The following UCHL3 variants were observed in gnomAD, a reference collection of about 807,000 sequenced individuals.
UCHL3 encodes ubiquitin C-terminal hydrolase L3, also known as ubiquitin carboxyl-terminal hydrolase isozyme L3.
A neutral mutation model predicts 35.8 loss-of-function variants in UCHL3; 22 were observed. That is an observed-to-expected ratio of 0.61 (90% CI 0.44 to 0.88). UCHL3 has a LOEUF of 0.88. UCHL3 is among the 40% of genes least tolerant of loss of function. The pLI is 0.00. For synonymous variants in UCHL3, 90 were observed against 92.8 expected (o/e 0.97, Z 0.17); for missense variants, 229 against 276.9 (o/e 0.83, Z 1.23).
chr13:75,596,847 C>A (rs1449636675), intron 7 of UCHL3, among the ~76,000 whole-genome samples: 3 of 152,066 alleles, frequency 2.0e-5, no homozygotes, highest in Non-Finnish European at 4.4e-5. Context: ...TGGAGCATGC[C>A]AAGATCAACA....
chr13:75,550,103 G>T, intron 2 of UCHL3, 116 bp downstream of exon 2: 2 of 1,525,224 alleles, frequency 1.3e-6, no homozygotes, highest in Non-Finnish European at 1.8e-6. Context: ...TTTCTTGAGG[G>T]CCCCTCTTGT....
chr13:75,560,909 C>G, intron 3 of UCHL3, 28 bp downstream of exon 3: 2 of 1,485,438 alleles, frequency 1.3e-6, no homozygotes, highest in Admixed American at 5.2e-5. Flanking sequence ...TAGAAAGTTT[C>G]TGGTAAATAC....
At chr13:75,563,464 A>G (rs2031582893) in intron 3 of UCHL3, among the ~76,000 whole-genome samples, 1 of 152,196 alleles carries the variant, frequency 6.6e-6, no homozygotes, top group Admixed American at 6.5e-5. Context: ...GGTGTGACTC[A>G]TTACCCTTTA....
rs530374048 is a variant in UCHL3, at chr13:75,585,973, T to G, written c.475-8942T>G. Among the ~76,000 whole-genome samples, 3 of 152,092 alleles carry G rather than the reference T, an allele frequency of 2.0e-5. No homozygotes were observed. In the South Asian group the frequency reaches 6.2e-4, roughly 31 times the overall value. ...AGAGCAGATGGAAAAAATAAAGAAC[T>G]GACAATGTAGATTTAAATCCAGCCA... On this transcript the variant is annotated intron_variant, in intron 6 of 8. Transcript: ENST00000377595.
intron 3 of UCHL3, among the ~76,000 whole-genome samples, chr13:75,563,374 A>G (rs1331087345): frequency 1.3e-5 from 2 of 152,050 alleles, no homozygotes; most frequent in Non-Finnish European, 2.9e-5. Flanking sequence ...ACAGGGTTTC[A>G]CCATGTTGGT....
intron 2 of UCHL3, 118 bp downstream of exon 2, chr13:75,550,105 C>G: frequency 6.6e-7 from 1 of 1,510,224 alleles, no homozygotes; most frequent in Non-Finnish European, 9.2e-7. Context: ...TCTTGAGGGC[C>G]CCTCTTGTTC....
intron 6 of UCHL3, among the ~76,000 whole-genome samples, chr13:75,589,003 T>C (rs2032402659): frequency 1.3e-5 from 2 of 152,224 alleles, no homozygotes; most frequent in South Asian, 4.1e-4. Context: ...CAATAGTGTT[T>C]GAAAAGGTGT....
chr13:75,566,002 C>A (rs540415664), intron 3 of UCHL3, among the ~76,000 whole-genome samples: 2 of 152,248 alleles, frequency 1.3e-5, no homozygotes, highest in South Asian at 4.1e-4. Context: ...TGGTTAGTGT[C>A]AGTTACAGAT....
intron 3 of UCHL3, among the ~76,000 whole-genome samples, chr13:75,565,531 G>A (rs904524076): frequency 6.6e-6 from 1 of 152,168 alleles, no homozygotes; most frequent in Non-Finnish European, 1.5e-5. Flanking sequence ...TATTGCAGGG[G>A]ATCAGGAAAA....
At position 75,549,999 on chromosome 13, in the gene UCHL3, G is replaced by A; in HGVS notation, c.54+12G>A. The A allele has an allele frequency of 6.2e-7, 1 of 1,614,258 alleles. No homozygotes were observed. ...AGGTCACCAACCAGGTGAGTGAGGT[G>A]TCTGTCGCTCGGGACCTCGGAGTCT... On this transcript the variant is annotated intron_variant, in intron 2 of 8. Transcript: ENST00000377595.
intron 6 of UCHL3, among the ~76,000 whole-genome samples, chr13:75,570,376 C>T (rs2031816529): frequency 6.6e-6 from 1 of 152,100 alleles, no homozygotes; most frequent in South Asian, 2.1e-4. Context: ...GCTGGAACTA[C>T]AGGCGCCCGC....
At chr13:75,582,750 A>C (rs1016494849) in intron 6 of UCHL3, among the ~76,000 whole-genome samples, 4 of 152,218 alleles carry the variant, frequency 2.6e-5, no homozygotes, top group African/African-American at 9.6e-5. Flanking sequence ...CAGAGCTAAA[A>C]ATTAGGTTGC....
chr13:75,551,503 A>G (rs1449157896), intron 2 of UCHL3, among the ~76,000 whole-genome samples: 5 of 152,092 alleles, frequency 3.3e-5, no homozygotes, highest in African/African-American at 4.8e-5. Flanking sequence ...TAGACAATTC[A>G]TATTAAGAAA....
chr13:75,594,429 C>T (rs1181745594), intron 6 of UCHL3, among the ~76,000 whole-genome samples: 1 of 152,160 alleles, frequency 6.6e-6, no homozygotes, highest in African/African-American at 2.4e-5. Flanking sequence ...GTTGAAACAT[C>T]AGATTATCAA....
At chr13:75,604,329 C>T (rs969899510) in intron 7 of UCHL3, among the ~76,000 whole-genome samples, 1 of 152,092 alleles carries the variant, frequency 6.6e-6, no homozygotes, top group African/African-American at 2.4e-5. Context: ...ATTGATAGTA[C>T]ACAGTTAATA....
chr13:75,589,563 C>T (rs1244562742), intron 6 of UCHL3, among the ~76,000 whole-genome samples: 1 of 151,920 alleles, frequency 6.6e-6, no homozygotes, highest in East Asian at 1.9e-4. Context: ...TTTTCTTCTA[C>T]CCGTTATTCT....
At chr13:75,557,341 TTATC>T (rs200342851) in intron 2 of UCHL3, among the ~76,000 whole-genome samples, 12 of 152,208 alleles carry the variant, frequency 7.9e-5, no homozygotes, top group Admixed American at 2.0e-4. Flanking sequence ...TAAATATTCT[TTATC>T]TAGTGAAAAA....
chr13:75,559,312 T>C (rs948479737), intron 2 of UCHL3, among the ~76,000 whole-genome samples: 1 of 144,754 alleles, frequency 6.9e-6, no homozygotes, highest in Non-Finnish European at 1.5e-5. Flanking sequence ...AGTGCTGGGA[T>C]TACAGGCGTG....
At chr13:75,599,654 C>T (rs2032728955) in intron 7 of UCHL3, among the ~76,000 whole-genome samples, 1 of 152,182 alleles carries the variant, frequency 6.6e-6, no homozygotes, top group Admixed American at 6.5e-5. Context: ...TATATGCTGG[C>T]AAACTTAATT....
Sources: allele counts gnomAD v4.1 joint callset (sites outside exome capture counted in the v4.1 genomes callset), GRCh38; gene constraint gnomAD v4.1.1; transcripts MANE v1.5; gene names NCBI Gene and HGNC (gene_info 2026-07-23, HGNC 2026-07-21).